ATP2B2: variants seen among roughly 807,000 people sequenced by gnomAD.
ATP2B2 encodes ATPase plasma membrane Ca2+ transporting 2.
Under a neutral mutation model 120.0 loss-of-function variants are expected in ATP2B2, and 15 were observed. That is an observed-to-expected ratio of 0.12 (90% confidence interval 0.08 to 0.19). The LOEUF is 0.19. Ranked by LOEUF, ATP2B2 falls within the 10% of genes least tolerant of loss-of-function variation. The pLI is 1.00. For synonymous variants in ATP2B2, 694 were observed against 700.3 expected (o/e 0.99, Z 0.14); for missense variants, 1,045 against 1,719.8 (o/e 0.61, Z 6.94).
chr3:10,691,803 G>A (rs2071668246), intron 1 of ATP2B2, among the ~76,000 whole-genome samples: 1 of 152,326 alleles, frequency 6.6e-6, no homozygotes, highest in African/African-American at 2.4e-5. Context: ...GGGAAAAGTA[G>A]ATGATCCATG....
chr3:10,601,038 T>C (rs2068894369), intron 2 of ATP2B2, among the ~76,000 whole-genome samples: 1 of 151,974 alleles, frequency 6.6e-6, no homozygotes, highest in Admixed American at 6.6e-5. Context: ...AAGCACAGGG[T>C]GCCAGCCAGG....
chr3:10,664,371 C>T (rs915364113), intron 1 of ATP2B2, among the ~76,000 whole-genome samples: 2 of 152,148 alleles, frequency 1.3e-5, no homozygotes, highest in African/African-American at 4.8e-5. Flanking sequence ...GAGACCTGCA[C>T]CACATACCCC....
At chr3:10,665,073 C>T (rs1415576796) in intron 1 of ATP2B2, among the ~76,000 whole-genome samples, 1 of 152,212 alleles carries the variant, frequency 6.6e-6, no homozygotes, top group Non-Finnish European at 1.5e-5. Flanking sequence ...CCTGTCCACC[C>T]CATCCCTTTA....
At chr3:10,496,309 C>G (rs919240363) in intron 1 of ATP2B2, among the ~76,000 whole-genome samples, 27 of 152,218 alleles carry the variant, frequency 1.8e-4, no homozygotes, top group African/African-American at 6.3e-4. Context: ...CACACCCCAG[C>G]TGCTGGGAGC....
intron 2 of ATP2B2, among the ~76,000 whole-genome samples, chr3:10,432,518 G>A (rs192085804): frequency 1.3e-5 from 2 of 152,362 alleles, no homozygotes; most frequent in South Asian, 2.1e-4. Context: ...GCCTGGCCTC[G>A]CATTAACTGC....
intron 13 of ATP2B2, among the ~76,000 whole-genome samples, chr3:10,359,527 C>T (rs1037986051): frequency 6.6e-6 from 1 of 152,100 alleles, no homozygotes; most frequent in Non-Finnish European, 1.5e-5. Context: ...AAATAGCTAC[C>T]ATCAACCAAC....
At chr3:10,485,838 C>A (rs973754208) in intron 1 of ATP2B2, among the ~76,000 whole-genome samples, 1 of 152,140 alleles carries the variant, frequency 6.6e-6, no homozygotes, top group African/African-American at 2.4e-5. Context: ...AGACTGTGCT[C>A]TTGGGAGTCA....
intron 5 of ATP2B2, among the ~76,000 whole-genome samples, chr3:10,398,838 C>T (rs1189926933): frequency 6.6e-6 from 1 of 152,248 alleles, no homozygotes; most frequent in East Asian, 1.9e-4. Flanking sequence ...TGCTCCCATC[C>T]TCTGCCTTCA....
At chr3:10,378,548 G>A (rs1165631570) in intron 9 of ATP2B2, 138 bp from the exon 10 acceptor site, 31 of 1,181,132 alleles carry the variant, frequency 2.6e-5, no homozygotes, top group Non-Finnish European at 3.7e-5. Context: ...AGCCCCGCAT[G>A]GCTGGTGCAG....
intron 1 of ATP2B2, among the ~76,000 whole-genome samples, chr3:10,504,308 G>T (rs1010234603): frequency 6.6e-6 from 1 of 152,176 alleles, no homozygotes; most frequent in African/African-American, 2.4e-5. Flanking sequence ...TTCTCCGGAT[G>T]GCGCCCGCTG....
In ATP2B2 at chr3:10,329,058, G is replaced by A. The variant is rs778779257; in HGVS notation, c.3488C>T (p.Ser1163Phe). Reference sequence around the variant, plus strand: ...AGGATGAGCCATGAAGTTATGGATGGAGGTTCGAGATTCAGGCTTTTCTAA... The same window carrying A: ...AGGATGAGCCATGAAGTTATGGATGAAGGTTCGAGATTCAGGCTTTTCTAA... Reference protein sequence around the residue: ...EGLEKPESRTSIHNFMAHPEF... With the variant: ...EGLEKPESRTFIHNFMAHPEF... Residue 1163 changes from serine (S) to phenylalanine (F), a missense_variant, in exon 23 of 23, where the codon TCC becomes TTC. Physicochemically the swap from Ser to Phe is radical, Grantham distance 155. This residue lies in a region of ATP2B2 where 211 missense variants were observed against 385.1 expected (regional missense o/e 0.55). Coordinates refer to ENST00000360273, the MANE Select transcript of ATP2B2 (RefSeq NM_001001331.4). This position sits in a 1 kb window ranked among gnomAD's most constrained non-coding sequence, Gnocchi z 5.9. 1.9e-6 allele frequency: 3 copies of A among 1,613,906 alleles called. No individual in the cohort carries two copies. Among genetic ancestry groups the A allele is most frequent in the Non-Finnish European group, 2.5e-6 (3 of 1,179,992 alleles).
At chr3:10,381,174 T>C (rs1010883981) in intron 8 of ATP2B2, among the ~76,000 whole-genome samples, 21 of 152,222 alleles carry the variant, frequency 1.4e-4, no homozygotes, top group African/African-American at 4.8e-4. Context: ...GCTGTCCCCA[T>C]GGCCTCCCAT....
chr3:10,449,048 C>T (rs999342832), intron 2 of ATP2B2, among the ~76,000 whole-genome samples: 4 of 152,214 alleles, frequency 2.6e-5, no homozygotes, highest in African/African-American at 9.6e-5. Context: ...GAATGTTGAA[C>T]TCGCCACTCT....
intron 1 of ATP2B2, among the ~76,000 whole-genome samples, chr3:10,645,168 T>A (rs1414509723): frequency 6.6e-6 from 1 of 152,172 alleles, no homozygotes; most frequent in African/African-American, 2.4e-5. Context: ...ATGTCAACCA[T>A]AGGTGAAGCT....
intron 1 of ATP2B2, among the ~76,000 whole-genome samples, chr3:10,488,491 C>G (rs1014100246): frequency 9.6e-6 from 1 of 104,602 alleles, no homozygotes. Flanking sequence ...TCCTTCCTTC[C>G]TTCCTTCCTT....
At chr3:10,573,277 T>C (rs1016661626) in intron 2 of ATP2B2, among the ~76,000 whole-genome samples, 2 of 152,144 alleles carry the variant, frequency 1.3e-5, no homozygotes, top group Non-Finnish European at 2.9e-5. Context: ...ATTGATTGAA[T>C]GTCTATGTTA....
At chr3:10,551,216 T>C (rs2067662661) in intron 2 of ATP2B2, among the ~76,000 whole-genome samples, 1 of 152,210 alleles carries the variant, frequency 6.6e-6, no homozygotes, top group Non-Finnish European at 1.5e-5. Context: ...CTCCTATTCT[T>C]AAGGAGCTCA....
At chr3:10,468,235 C>T (rs1482461124) in intron 1 of ATP2B2, among the ~76,000 whole-genome samples, 2 of 152,246 alleles carry the variant, frequency 1.3e-5, no homozygotes, top group Non-Finnish European at 2.9e-5. Flanking sequence ...TCAGCATCCA[C>T]TAAGGGAACT....
chr3:10,657,242 G>A (rs551697153), intron 1 of ATP2B2, among the ~76,000 whole-genome samples: 7 of 152,320 alleles, frequency 4.6e-5, no homozygotes, highest in African/African-American at 1.7e-4. Flanking sequence ...AACAAGCAGT[G>A]CCTTTTACAC....
Sources: allele counts gnomAD v4.1 joint callset (sites outside exome capture counted in the v4.1 genomes callset), GRCh38; gene constraint gnomAD v4.1.1; regional missense constraint gnomAD v4.1.1; non-coding constraint Gnocchi (gnomAD v3.1); transcripts MANE v1.5; gene names NCBI Gene and HGNC (gene_info 2026-07-23, HGNC 2026-07-21).